CELF2: variants seen among roughly 807,000 people sequenced by gnomAD.
The protein encoded by CELF2 is CUGBP Elav-like family member 2.
CELF2 carries 8 observed loss-of-function variants against 62.6 expected under a neutral mutation model. That is an observed-to-expected ratio of 0.13 (90% CI 0.07 to 0.23). CELF2 has a LOEUF of 0.23. Among genes scored for constraint, CELF2 ranks in the 10% least tolerant of loss-of-function variants. The probability of loss-of-function intolerance (pLI) is 1.00; values close to 1 mark genes in which losing one functional copy is unlikely to be tolerated. For missense variants in CELF2, 333 were observed against 671.0 expected (o/e 0.50, Z 5.56); for synonymous variants, 258 against 250.0 (o/e 1.03, Z -0.30).
the CELF2 span, among the ~76,000 whole-genome samples, chr10:10,535,965 G>A: frequency 1.3e-5 from 2 of 151,696 alleles, no homozygotes; most frequent in African/African-American, 2.4e-5. Flanking sequence ...GTAACTAGTG[G>A]TAGCATAAGC....
chr10:11,088,443 C>T (rs971135127), intron 1 of CELF2, among the ~76,000 whole-genome samples: 2 of 152,030 alleles, frequency 1.3e-5, no homozygotes, highest in African/African-American at 4.8e-5. Context: ...ACATTGTTCC[C>T]TAGACATTAG....
At chr10:10,652,712 C>T in the CELF2 span, among the ~76,000 whole-genome samples, 1 of 151,830 alleles carries the variant, frequency 6.6e-6, no homozygotes, top group South Asian at 2.1e-4. Context: ...TAAAAGAGCT[C>T]CTGAAGGAAG....
the CELF2 span, among the ~76,000 whole-genome samples, chr10:10,642,785 G>T: frequency 6.6e-6 from 1 of 152,224 alleles, no homozygotes; most frequent in African/African-American, 2.4e-5. Flanking sequence ...TTTCCCAATG[G>T]ATCTGTGGAC....
chr10:10,658,122 G>T, the CELF2 span, among the ~76,000 whole-genome samples: 1 of 152,064 alleles, frequency 6.6e-6, no homozygotes, highest in African/African-American at 2.4e-5. Context: ...TGTTGAGAAT[G>T]GTTACTTAAA....
chr10:10,998,540 G>T (rs576109744), intron 2 of CELF2, among the ~76,000 whole-genome samples: 1 of 152,156 alleles, frequency 6.6e-6, no homozygotes, highest in Non-Finnish European at 1.5e-5. Context: ...AATGTGTGGG[G>T]CCTTTAATAG....
At chr10:10,849,434 A>G (rs1010430222) in intron 1 of CELF2, among the ~76,000 whole-genome samples, 6 of 151,510 alleles carry the variant, frequency 4.0e-5, no homozygotes, top group East Asian at 2.0e-4. Flanking sequence ...AGAAAACTGT[A>G]AGAACAATAC....
chr10:11,328,623 C>G lies in CELF2; in HGVS notation c.1439-303C>G, dbSNP rs949728249. Among the ~76,000 whole-genome samples, 3 of 152,186 alleles carry G rather than the reference C, an allele frequency of 2.0e-5. No individual in the cohort carries two copies. Among genetic ancestry groups the G allele is most frequent in the African/African-American group, 7.2e-5 (3 of 41,442 alleles). ...AGGACTTGAAACACAATGATTTGAG[C>G]GAGTTCAGTAAGTGGAACTGAATTC... is the stretch of plus-strand genomic sequence containing the variant. On this transcript the variant is annotated intron_variant, in intron 12 of 12. Coordinates refer to ENST00000633077, the MANE Select transcript of CELF2 (RefSeq NM_001326342.2). This position sits in a 1 kb window ranked among gnomAD's most constrained non-coding sequence, Gnocchi z 6.4.
chr10:10,732,149 T>G, the CELF2 span, among the ~76,000 whole-genome samples: 9 of 152,114 alleles, frequency 5.9e-5, no homozygotes, highest in Non-Finnish European at 1.0e-4. Context: ...AACTCTTGCC[T>G]TGGCAGGGAG....
chr10:10,939,318 C>T (rs1016521878), intron 2 of CELF2, among the ~76,000 whole-genome samples: 1 of 141,244 alleles, frequency 7.1e-6, no homozygotes, highest in Admixed American at 6.7e-5. Context: ...GACGGAGTCT[C>T]GCCTGTCACC....
chr10:11,093,833 A>G (rs1348353438), intron 1 of CELF2, among the ~76,000 whole-genome samples: 1 of 152,260 alleles, frequency 6.6e-6, no homozygotes, highest in Non-Finnish European at 1.5e-5. Context: ...TGACTGACTA[A>G]TAAGGTCAAC....
the CELF2 span, among the ~76,000 whole-genome samples, chr10:10,471,365 T>A: frequency 6.6e-6 from 1 of 151,808 alleles, no homozygotes; most frequent in South Asian, 2.1e-4. Flanking sequence ...AATATTTGTC[T>A]ATTTCTCCCC....
At chr10:10,788,673 G>C in the CELF2 span, among the ~76,000 whole-genome samples, 2 of 151,914 alleles carry the variant, frequency 1.3e-5, no homozygotes, top group African/African-American at 4.8e-5. Flanking sequence ...ACATTGGCCA[G>C]GCTGATCTCG....
At chr10:10,787,273 C>A in the CELF2 span, among the ~76,000 whole-genome samples, 1 of 151,968 alleles carries the variant, frequency 6.6e-6, no homozygotes, top group Non-Finnish European at 1.5e-5. Context: ...TTATATCAAG[C>A]CTTTTTTTGC....
chr10:11,222,340 A>T (rs908428539), intron 3 of CELF2, among the ~76,000 whole-genome samples: 1 of 152,202 alleles, frequency 6.6e-6, no homozygotes, highest in African/African-American at 2.4e-5. Context: ...TATTTTTGCC[A>T]TAAAATCTCT....
At chr10:10,584,232 C>T in the CELF2 span, among the ~76,000 whole-genome samples, 4 of 152,164 alleles carry the variant, frequency 2.6e-5, no homozygotes, top group Non-Finnish European at 4.4e-5. Context: ...GAGCAATGAA[C>T]GATTTGCGAA....
In CELF2 at chr10:11,199,746, T is replaced by A. The variant is rs141375981; in HGVS notation, c.272-17679T>A. Among the ~76,000 whole-genome samples the A allele has an allele frequency of 1.6e-4, 25 of 152,364 alleles. No individual in the cohort carries two copies. The East Asian group carries it at 4.6e-3, about 28-fold the overall frequency. ...GGCTGGAAATTAAGAATTTTTTTTA[T>A]TCTATGCAAAATCTGTCCATTGCTT... On this transcript the variant is annotated intron_variant, in intron 2 of 12. Transcript: ENST00000633077.
At chr10:10,660,072 G>C in the CELF2 span, among the ~76,000 whole-genome samples, 8 of 152,158 alleles carry the variant, frequency 5.3e-5, no homozygotes, top group Non-Finnish European at 8.8e-5. Flanking sequence ...AGGAAACCAG[G>C]CCTCCTCTAG....
chr10:11,143,571 A>G (rs2061724218), intron 1 of CELF2, among the ~76,000 whole-genome samples: 1 of 152,190 alleles, frequency 6.6e-6, no homozygotes, highest in African/African-American at 2.4e-5. Flanking sequence ...GATGTTTTCT[A>G]CTATGCATAC....
the CELF2 span, among the ~76,000 whole-genome samples, chr10:10,718,359 C>T: frequency 4.6e-5 from 7 of 152,164 alleles, no homozygotes; most frequent in African/African-American, 1.7e-4. Flanking sequence ...CGCGGTGGCT[C>T]ATGCCTGTAA....
Sources: gnomAD v4.1 joint callset for allele counts (sites outside exome capture counted in the v4.1 genomes callset) on GRCh38, gnomAD v4.1.1 for gene constraint, Gnocchi (gnomAD v3.1) non-coding constraint, MANE v1.5 for transcripts, NCBI Gene and HGNC (gene_info 2026-07-23, HGNC 2026-07-21) for gene names.